The following AADAT variants were observed in gnomAD, a reference collection of about 807,000 sequenced individuals.
AADAT encodes the protein aminoadipate aminotransferase.
In AADAT, 25 loss-of-function variants were observed where a neutral mutation model predicts 56.2. The observed-to-expected ratio is 0.44, with a 90% CI of 0.32 to 0.62. The LOEUF (loss-of-function observed/expected upper bound fraction) is 0.62, where lower values mean the gene tolerates loss of function less well. Among genes scored for constraint, AADAT ranks in the 20% least tolerant of loss-of-function variants. AADAT has a pLI of 0.04. For synonymous variants in AADAT, 173 were observed against 164.7 expected (o/e 1.05, Z -0.39); for missense variants, 387 against 510.5 (o/e 0.76, Z 2.33).
chr4:170,093,107 G>C (rs1732917333), upstream of AADAT, among the ~76,000 whole-genome samples: 1 of 152,008 alleles, frequency 6.6e-6, no homozygotes, highest in South Asian at 2.1e-4. Context: ...CTCTAACTGA[G>C]CAAGGTTTCC....
At chr4:170,090,216 G>A (rs1220715878), upstream of AADAT, 1 of 152,260 alleles carries the variant, frequency 6.6e-6, no homozygotes, top group Non-Finnish European at 1.5e-5. Flanking sequence ...GGCTAGCCCA[G>A]GGGCTGACCG....
At chr4:170,073,658 C>T (rs913066254) in intron 4 of AADAT, among the ~76,000 whole-genome samples, 8 of 151,992 alleles carry the variant, frequency 5.3e-5, no homozygotes, top group African/African-American at 1.9e-4. Context: ...CGCCACCACG[C>T]CCAGGTAATT....
chr4:170,067,678 C>G (rs1386636079), intron 8 of AADAT, among the ~76,000 whole-genome samples: 1 of 152,098 alleles, frequency 6.6e-6, no homozygotes, highest in East Asian at 1.9e-4. Flanking sequence ...ACTAATGAGG[C>G]ACAAGGGTTA....
At chr4:170,092,838 G>T (rs780710605), upstream of AADAT, among the ~76,000 whole-genome samples, 5 of 152,220 alleles carry the variant, frequency 3.3e-5, no homozygotes, top group Non-Finnish European at 4.4e-5. Flanking sequence ...ATGCATTTAA[G>T]CAAACCTTAA....
In AADAT at chr4:170,088,381, A is replaced by C. The variant is rs776193786; in HGVS notation, c.236+15T>G. On this transcript the variant is annotated intron_variant, in intron 2 of 12. Transcript: ENST00000337664. Reference sequence around the variant, plus strand: ...AAAATAAGCCAATAAAATTATGTTAAGTATTGATACTTACCCAGCACTCGG... The same window carrying C: ...AAAATAAGCCAATAAAATTATGTTACGTATTGATACTTACCCAGCACTCGG... 1.0e-5 allele frequency: 16 copies of C among 1,558,836 alleles called. No individual in the cohort carries two copies.
chr4:170,093,772 A>T (rs988868424), upstream of AADAT, among the ~76,000 whole-genome samples: 3 of 152,106 alleles, frequency 2.0e-5, no homozygotes, highest in Non-Finnish European at 4.4e-5. Context: ...ATTTTTTAAA[A>T]TACCTTGTAG....
intron 4 of AADAT, among the ~76,000 whole-genome samples, chr4:170,076,445 T>G (rs189848738): frequency 1.3e-5 from 2 of 152,178 alleles, no homozygotes; most frequent in Non-Finnish European, 2.9e-5. Context: ...TACGTTGATT[T>G]ATGTTGCTTT....
At chr4:170,088,121 A>G (rs997523593) in intron 2 of AADAT, among the ~76,000 whole-genome samples, 2 of 151,740 alleles carry the variant, frequency 1.3e-5, no homozygotes, top group African/African-American at 2.4e-5. Context: ...TTTGCGATTG[A>G]GAAGCAATCA....
At chr4:170,092,513 C>T (rs565349670), upstream of AADAT, among the ~76,000 whole-genome samples, 2 of 152,224 alleles carry the variant, frequency 1.3e-5, no homozygotes, top group African/African-American at 2.4e-5. Flanking sequence ...GAACTGTTAA[C>T]ACACCGCGAG....
At position 170,081,173 on chromosome 4, in the gene AADAT, T is replaced by A. The variant is rs1198475290; in HGVS notation, c.370-2590A>T. ...AATACTGAACTCAGAATTGTTGAAC[T>A]GAGGAACTCATTAGAGGCTCTCATC... On this transcript the variant is annotated intron_variant, in intron 3 of 12. Transcript: ENST00000337664. 3.3e-5 allele frequency among the ~76,000 whole-genome samples: 5 copies of A among 152,284 alleles called. No homozygotes were observed. In the East Asian group the frequency reaches 9.6e-4, roughly 29 times the overall value.
upstream of AADAT, among the ~76,000 whole-genome samples, chr4:170,093,309 A>T (rs1252364587): frequency 1.3e-5 from 2 of 152,118 alleles, no homozygotes; most frequent in Non-Finnish European, 2.9e-5. Flanking sequence ...AGATGCCTGT[A>T]ATCTCAGCCA....
chr4:170,068,878 T>C (rs17628775), intron 7 of AADAT, among the ~76,000 whole-genome samples, 191 bp from the exon 8 acceptor site: 9,243 of 152,278 alleles, frequency 0.061, 381 homozygotes, highest in Non-Finnish European at 0.092. Flanking sequence ...CAAGATCGAC[T>C]ACGTATTTCG....
intron 11 of AADAT, among the ~76,000 whole-genome samples, chr4:170,062,960 T>G (rs1442702303): frequency 6.6e-6 from 1 of 151,182 alleles, no homozygotes; most frequent in African/African-American, 2.4e-5. Context: ...TATTGCTTAT[T>G]AAGTCTTTGA....
chr4:170,085,735 AT>A (rs1158113138), intron 3 of AADAT, among the ~76,000 whole-genome samples: 2 of 152,204 alleles, frequency 1.3e-5, no homozygotes, highest in Non-Finnish European at 2.9e-5. Flanking sequence ...ACACTAGCTA[AT>A]TCTTTTACTT....
chr4:170,089,585 GC>G (rs1561026998), intron 1 of AADAT, 38 bp downstream of exon 1: 3 of 1,612,332 alleles, frequency 1.9e-6, no homozygotes, highest in Middle Eastern at 1.7e-4. Flanking sequence ...TGCGAGGAAT[GC>G]CCCACCCCAA....
chr4:170,069,906 G>A (rs575000750), intron 6 of AADAT, among the ~76,000 whole-genome samples: 14 of 152,224 alleles, frequency 9.2e-5, no homozygotes, highest in African/African-American at 3.1e-4. Flanking sequence ...CAAAGAAAGT[G>A]TTGGCTTTTG....
At chr4:170,091,414 C>CGGCT, upstream of AADAT, among the ~76,000 whole-genome samples, 1 of 152,336 alleles carries the variant, frequency 6.6e-6, no homozygotes, top group East Asian at 1.9e-4. Context: ...CCAGCAATGC[C>CGGCT]GGCTCACCGG....
intron 3 of AADAT, among the ~76,000 whole-genome samples, chr4:170,086,108 A>G (rs1000330744): frequency 6.6e-6 from 1 of 152,118 alleles, no homozygotes; most frequent in African/African-American, 2.4e-5. Flanking sequence ...AGCTAGGCAT[A>G]TTGGTGTGCA....
intron 3 of AADAT, among the ~76,000 whole-genome samples, chr4:170,081,893 C>T (rs1229226455): frequency 1.3e-5 from 2 of 152,066 alleles, no homozygotes; most frequent in Non-Finnish European, 2.9e-5. Context: ...AAGCGATCAT[C>T]CAAGAATATT....
Sources: gnomAD v4.1 joint callset for allele counts (sites outside exome capture counted in the v4.1 genomes callset) on GRCh38, gnomAD v4.1.1 for gene constraint, MANE v1.5 for transcripts, NCBI Gene and HGNC (gene_info 2026-07-23, HGNC 2026-07-21) for gene names.